The following DLG2 variants were observed in gnomAD, a reference collection of about 807,000 sequenced individuals.
DLG2 encodes the protein discs large MAGUK scaffold protein 2, also known as disks large homolog 2.
Under a neutral mutation model 132.5 loss-of-function variants are expected in DLG2, and 45 were observed. The observed-to-expected ratio is 0.34, with a 90% CI of 0.27 to 0.44. The LOEUF is 0.44. Ranked by LOEUF, DLG2 falls within the 20% of genes least tolerant of loss-of-function variation. The pLI, the probability that DLG2 is intolerant of heterozygous loss-of-function variation, is 1.00. For missense variants in DLG2, 1,045 were observed against 1,196.9 expected (o/e 0.87, Z 1.87); for synonymous variants, 424 against 419.6 (o/e 1.01, Z -0.13).
At chr11:83,767,540 C>T (rs2153781670) in intron 18 of DLG2, among the ~76,000 whole-genome samples, 1 of 152,330 alleles carries the variant, frequency 6.6e-6, no homozygotes, top group East Asian at 1.9e-4. Flanking sequence ...AGCAGGGAGG[C>T]TACAGCCAGA....
At chr11:85,592,220 A>G (rs768685135) in intron 3 of DLG2, among the ~76,000 whole-genome samples, 1 of 152,246 alleles carries the variant, frequency 6.6e-6, no homozygotes, top group East Asian at 1.9e-4. Flanking sequence ...GTCTATGTAA[A>G]TAAGTAAACA....
chr11:84,732,760 A>G (rs1018214587), intron 6 of DLG2, among the ~76,000 whole-genome samples: 10 of 151,982 alleles, frequency 6.6e-5, no homozygotes, highest in African/African-American at 2.4e-4. Context: ...CGTCATTTAC[A>G]TTAGGTATAT....
intron 18 of DLG2, among the ~76,000 whole-genome samples, chr11:83,679,426 T>C (rs987227788): frequency 6.6e-6 from 1 of 152,200 alleles, no homozygotes; most frequent in Non-Finnish European, 1.5e-5. Flanking sequence ...TTTATTTCCA[T>C]GTTCTCTATT....
At position 84,740,823 on chromosome 11, in the gene DLG2, T is replaced by A. The variant is rs531189880; in HGVS notation, c.358-206092A>T. On this transcript the variant is annotated intron_variant, in intron 6 of 27. Coordinates refer to ENST00000376104, the MANE Select transcript of DLG2 (RefSeq NM_001142699.3). ...CAATCTGTTTCACACCCTCCCTGAG[T>A]GGGAGAGGTTCTTGAGCCACTGAGT... Among the ~76,000 whole-genome samples the A allele has an allele frequency of 1.2e-4, 18 of 152,148 alleles. No homozygotes were observed. The South Asian group carries it at 2.9e-3, about 24-fold the overall frequency.
chr11:85,018,306 C>A (rs74445664), intron 6 of DLG2, among the ~76,000 whole-genome samples: 1,669 of 152,194 alleles, frequency 0.011, 31 homozygotes, highest in African/African-American at 0.037. Context: ...CAAGGAGACA[C>A]AAATATGCAA....
chr11:84,699,140 G>T (rs1426395903), intron 6 of DLG2, among the ~76,000 whole-genome samples: 1 of 151,404 alleles, frequency 6.6e-6, no homozygotes, highest in East Asian at 1.9e-4. Flanking sequence ...TCTATATTCT[G>T]GATTTCTTCT....
At chr11:83,819,564 T>C (rs2050171531) in intron 17 of DLG2, among the ~76,000 whole-genome samples, 1 of 149,408 alleles carries the variant, frequency 6.7e-6, no homozygotes, top group African/African-American at 2.5e-5. Context: ...ATCATAAATC[T>C]GAGAGTAGAA....
chr11:84,219,586 G>C lies in DLG2; in HGVS notation c.573+31652C>G, dbSNP rs570024750. On this transcript the variant is annotated intron_variant, in intron 8 of 27. Transcript: ENST00000376104. ...GAAAAAGAAATGTGCATTGCCTCAG[G>C]CTTACTGACCTATATTTTTTCACTG... Among the ~76,000 whole-genome samples the C allele has an allele frequency of 1.9e-4, 29 of 152,224 alleles. No homozygotes were observed. In the South Asian group the frequency reaches 5.8e-3, roughly 30 times the overall value.
chr11:85,284,404 A>T (rs1253626779), intron 4 of DLG2, among the ~76,000 whole-genome samples: 1 of 151,916 alleles, frequency 6.6e-6, no homozygotes, highest in African/African-American at 2.4e-5. Context: ...AGCAATCAAC[A>T]TGCTATTGAT....
At chr11:85,513,155 C>A (rs565673189) in intron 3 of DLG2, among the ~76,000 whole-genome samples, 160 of 151,568 alleles carry the variant, frequency 1.1e-3, no homozygotes, top group Non-Finnish European at 2.0e-3. Context: ...TGTACATGGC[C>A]AAAAAGATGG....
intron 6 of DLG2, among the ~76,000 whole-genome samples, chr11:84,882,488 T>C (rs373975276): frequency 1.3e-5 from 2 of 151,908 alleles, no homozygotes; most frequent in Non-Finnish European, 2.9e-5. Flanking sequence ...AGAACACTGA[T>C]AGGGTCATTT....
chr11:85,382,800 C>T (rs762810781), intron 3 of DLG2, among the ~76,000 whole-genome samples: 13 of 152,154 alleles, frequency 8.5e-5, no homozygotes, highest in African/African-American at 1.7e-4. Flanking sequence ...TAGCACTTCA[C>T]GTGAGAATAT....
At chr11:83,634,698 A>C (rs953470251) in intron 18 of DLG2, among the ~76,000 whole-genome samples, 1 of 152,340 alleles carries the variant, frequency 6.6e-6, no homozygotes, top group East Asian at 1.9e-4. Flanking sequence ...AAGTTCTATA[A>C]AATGTAATTT....
intron 4 of DLG2, among the ~76,000 whole-genome samples, chr11:85,240,894 A>G (rs954835721): frequency 1.3e-5 from 2 of 151,832 alleles, no homozygotes; most frequent in Non-Finnish European, 3.0e-5. Context: ...TATCTTAGTT[A>G]TTCTTAATAT....
rs893129125 is a variant in DLG2 at position 85,475,344 on chromosome 11, G to GA, written c.40+123312dup. Among the ~76,000 whole-genome samples, 21 of 151,374 alleles carry GA rather than the reference G, an allele frequency of 1.4e-4. 1 individual carries two copies. The highest frequency in any genetic ancestry group is 1.1e-3 in the Admixed American group (16 of 15,192). ...CCTTCTATAAACATTCTAAAAAATA[G>GA]AAAAAAAATTAAATTCTAACCCATG... On this transcript the variant is annotated intron_variant, in intron 3 of 27. Transcript: ENST00000376104.
chr11:85,300,400 A>G lies in DLG2; in HGVS notation c.41-15035T>C, dbSNP rs142079261. Among the ~76,000 whole-genome samples, 725 of 152,180 alleles carry G rather than the reference A, an allele frequency of 4.8e-3. 6 individuals carry two copies. Among genetic ancestry groups the G allele is most frequent in the African/African-American group, 0.017 (705 of 41,504 alleles). On this transcript the variant is annotated intron_variant, in intron 3 of 27. Transcript: ENST00000376104. ...CTGAGAACATAATACTGCCCCTCCAACTCCTCAGGGATACAGTAAATGGAA... is the reference window on the plus strand; with the variant it reads ...CTGAGAACATAATACTGCCCCTCCAGCTCCTCAGGGATACAGTAAATGGAA...
Position 84,475,142 on chromosome 11 carries a change from T to C in DLG2, c.519+59428A>G, listed in dbSNP as rs138651322. Among the ~76,000 whole-genome samples, 1,099 of 152,278 alleles carry C rather than the reference T, an allele frequency of 7.2e-3. 15 individuals are homozygous for C. The highest frequency in any genetic ancestry group is 0.024 in the African/African-American group (987 of 41,570). ...GAGTTGTAACCAATAGGTTATTTTG[T>C]TCTTGGCTGGCACAGCCTGGCTTCT... On this transcript the variant is annotated intron_variant, in intron 7 of 27. Coordinates refer to ENST00000376104, the MANE Select transcript of DLG2 (RefSeq NM_001142699.3).
At chr11:83,519,713 C>A (rs1324551368) in intron 21 of DLG2, among the ~76,000 whole-genome samples, 2 of 152,156 alleles carry the variant, frequency 1.3e-5, no homozygotes. Context: ...TCTTTATTTG[C>A]CAAATGTGAG....
rs199903756 is a variant in DLG2, at chr11:84,041,495, T to TA, written c.919+17819dup. On this transcript the variant is annotated intron_variant, in intron 11 of 27. Transcript: ENST00000376104. ...TTTTGAATGTGGGCAATTTGATAGT[T>TA]AAAAAAATGGCATCTTGTACTTTTA... Among the ~76,000 whole-genome samples the TA allele has an allele frequency of 7.2e-5, 11 of 152,024 alleles. No homozygotes were observed. In the East Asian group the frequency reaches 1.9e-3, roughly 27 times the overall value.
Sources: gnomAD v4.1 joint callset for allele counts (sites outside exome capture counted in the v4.1 genomes callset) on GRCh38, gnomAD v4.1.1 for gene constraint, MANE v1.5 for transcripts, NCBI Gene and HGNC (gene_info 2026-07-23, HGNC 2026-07-21) for gene names.